PCDHA3: variants seen among roughly 807,000 people sequenced by gnomAD.
PCDHA3 encodes the protein protocadherin alpha 3, also known as protocadherin alpha-3.
In PCDHA3, 41 loss-of-function variants were observed where a neutral mutation model predicts 62.2. That is an observed-to-expected ratio of 0.66 (90% CI 0.51 to 0.86). PCDHA3 has a LOEUF of 0.86. Among genes scored for constraint, PCDHA3 ranks in the 40% least tolerant of loss-of-function variants. The pLI is 0.00. For synonymous variants in PCDHA3, 640 were observed against 555.4 expected (o/e 1.15, Z -2.14); for missense variants, 1,304 against 1,241.2 (o/e 1.05, Z -0.76).
chr5:140,863,572 A>T (rs2048074367), intron 1 of PCDHA3: 1 of 368,290 alleles, frequency 2.7e-6, no homozygotes, highest in African/African-American at 2.1e-5. Flanking sequence ...GAATATAAGT[A>T]CTGTAATCCT....
At chr5:140,869,141 G>A in intron 1 of PCDHA3, 1 of 1,613,314 alleles carries the variant, frequency 6.2e-7, no homozygotes, top group Non-Finnish European at 8.5e-7. Context: ...GGCACCCCAC[G>A]ACTACAGCTC....
chr5:140,869,896 A>T (rs781921753), intron 1 of PCDHA3: 7 of 1,610,768 alleles, frequency 4.3e-6, no homozygotes, highest in Non-Finnish European at 4.2e-6. Context: ...GCTCAAACTA[A>T]ACGCCACAGA....
intron 3 of PCDHA3, among the ~76,000 whole-genome samples, chr5:141,003,148 GA>G (rs1554258931): frequency 1.3e-5 from 2 of 152,188 alleles, no homozygotes; most frequent in African/African-American, 4.8e-5. Flanking sequence ...CAAAGACTCT[GA>G]CCTGATCAAT....
chr5:140,838,091 T>A, intron 1 of PCDHA3, among the ~76,000 whole-genome samples: 1 of 139,550 alleles, frequency 7.2e-6, no homozygotes, highest in African/African-American at 2.7e-5. Context: ...TGTGTGTGTG[T>A]GTGTGTGTGT....
At chr5:140,944,718 G>A (rs1554216523) in intron 1 of PCDHA3, among the ~76,000 whole-genome samples, 1 of 152,088 alleles carries the variant, frequency 6.6e-6, no homozygotes, top group East Asian at 1.9e-4. Flanking sequence ...TTTTGCCTTT[G>A]AACACCTTAG....
chr5:140,884,113 G>A, intron 1 of PCDHA3: 2 of 1,613,388 alleles, frequency 1.2e-6, no homozygotes, highest in Non-Finnish European at 1.7e-6. Context: ...AGCTGGCGGC[G>A]GTCGGCGCGC....
chr5:140,950,917 A>ACT (rs1554219681), intron 1 of PCDHA3, among the ~76,000 whole-genome samples: 4 of 151,642 alleles, frequency 2.6e-5, no homozygotes, highest in African/African-American at 9.7e-5. Context: ...ATTTTATTTC[A>ACT]GTTCTTTTTC....
In PCDHA3 at chr5:140,876,830, C is replaced by T. The variant is rs199585768; in HGVS notation, c.2394+73239C>T. The T allele has an allele frequency of 3.4e-4, 552 of 1,614,204 alleles. 1 individual carries two copies. Among genetic ancestry groups the T allele is most frequent in the South Asian group, 1.5e-3 (138 of 91,090 alleles). On this transcript the variant is annotated intron_variant, in intron 1 of 3. Coordinates refer to ENST00000522353, the MANE Select transcript of PCDHA3 (RefSeq NM_018906.3). ...GTGGCCGACGTGAACGACAATGCGC[C>T]TGCGTTCGCGCAGCCCGAGTACACA...
At chr5:140,877,851 A>G in intron 1 of PCDHA3, 1 of 1,546,284 alleles carries the variant, frequency 6.5e-7, no homozygotes, top group South Asian at 1.3e-5. Context: ...TAAGTTATTA[A>G]TATTATTTAG....
At chr5:140,963,594 C>G (rs549697848) in intron 1 of PCDHA3, among the ~76,000 whole-genome samples, 1 of 152,258 alleles carries the variant, frequency 6.6e-6, no homozygotes, top group South Asian at 2.1e-4. Flanking sequence ...GGATATAGTT[C>G]TAGACGTAAT....
chr5:141,000,468 C>T (rs2097940295), intron 3 of PCDHA3, among the ~76,000 whole-genome samples: 1 of 107,380 alleles, frequency 9.3e-6, no homozygotes, highest in Non-Finnish European at 1.8e-5. Context: ...GCTCTTGTTG[C>T]CCAAGCTGGA....
At chr5:140,906,813 A>G (rs1287106484) in intron 1 of PCDHA3, among the ~76,000 whole-genome samples, 4 of 152,042 alleles carry the variant, frequency 2.6e-5, no homozygotes, top group African/African-American at 4.8e-5. Flanking sequence ...CCTTACCTCC[A>G]CTGTGGAGTA....
chr5:140,949,852 T>C (rs1311994394), intron 1 of PCDHA3, among the ~76,000 whole-genome samples: 1 of 151,956 alleles, frequency 6.6e-6, no homozygotes. Context: ...TGTTTCCGCT[T>C]ATCTGTTGTC....
chr5:140,927,687 T>C (rs1563095426), intron 1 of PCDHA3: 2 of 1,614,158 alleles, frequency 1.2e-6, no homozygotes, highest in Non-Finnish European at 1.7e-6. Context: ...AAGGGTCCAA[T>C]GGGGAAGTCC....
chr5:140,821,669 C>A, intron 1 of PCDHA3: 2 of 1,272,360 alleles, frequency 1.6e-6, no homozygotes, highest in Non-Finnish European at 1.1e-6. Flanking sequence ...TGCCAAGAAG[C>A]TCAGAAAGGC....
In PCDHA3 at chr5:141,011,214, T is replaced by C. The variant is rs2098419822; in HGVS notation, c.*1277T>C. On this transcript the variant is annotated 3_prime_UTR_variant, in exon 4 of 4. Transcript: ENST00000522353. ...ATTGTTTTCTCATACAGTGAGCAGA[T>C]TTTTCAATCTACTAATTCTGTGACT... 1 of 153,748 alleles carries C rather than the reference T, an allele frequency of 6.5e-6. No individual in the cohort carries two copies. Among genetic ancestry groups the C allele is most frequent in the African/African-American group, 2.4e-5 (1 of 41,448 alleles). The allele number at this position is 153,748 out of a possible 1,614,324, so 9.5% of individuals were successfully genotyped here. A position where few individuals can be genotyped will look rare whatever the true frequency, so the allele number is the denominator to read the frequency against.
At position 140,803,443 on chromosome 5, in the gene PCDHA3, C is replaced by T. The variant is rs1554122823; in HGVS notation, c.2246C>T (p.Ser749Leu). The change falls in exon 1 of 4, where the codon TCA becomes TTA. Residue 749 changes from serine to leucine, a missense_variant. Transcript: ENST00000522353. ...TGCTCCAGCGCGGTGGGGAGCTGGT[C>T]ATACTCGCAGCAGAGGCAGCAGAGG... ...LVCSSAVGSW[S>L]YSQQRQQRVC... 1.2e-6 allele frequency: 2 copies of T among 1,614,142 alleles called. No individual in the cohort carries two copies. Among genetic ancestry groups the T allele is most frequent in the South Asian group, 1.1e-5 (1 of 91,080 alleles).
intron 1 of PCDHA3, among the ~76,000 whole-genome samples, chr5:140,975,597 T>C (rs2096674133): frequency 6.6e-6 from 1 of 152,242 alleles, no homozygotes; most frequent in Non-Finnish European, 1.5e-5. Context: ...GAGGGCAATT[T>C]GTTGATGTCT....
intron 1 of PCDHA3, chr5:140,841,417 C>T (rs1242106171): frequency 1.2e-6 from 2 of 1,612,932 alleles, no homozygotes; most frequent in African/African-American, 1.3e-5. Flanking sequence ...GCCAGCTCCA[C>T]TACTCCGTCC....
Sources: allele counts gnomAD v4.1 joint callset (sites outside exome capture counted in the v4.1 genomes callset), GRCh38; gene constraint gnomAD v4.1.1; transcripts MANE v1.5; gene names NCBI Gene and HGNC (gene_info 2026-07-23, HGNC 2026-07-21).